ADGB: variants seen among roughly 807,000 people sequenced by gnomAD.
The protein encoded by ADGB is androglobin.
A neutral mutation model predicts 210.5 loss-of-function variants in ADGB; 172 were observed. That is an observed-to-expected ratio of 0.82 (90% CI 0.72 to 0.93). ADGB has a LOEUF of 0.93. Ranked by LOEUF, ADGB falls within the 40% of genes least tolerant of loss-of-function variation. The probability of loss-of-function intolerance (pLI) is 0.00; values close to 1 mark genes in which losing one functional copy is unlikely to be tolerated. For missense variants in ADGB, 2,025 were observed against 1,964.8 expected (o/e 1.03, Z -0.58); for synonymous variants, 658 against 662.7 (o/e 0.99, Z 0.11).
chr6:146,711,236 T>A (rs1302453811), intron 13 of ADGB, among the ~76,000 whole-genome samples: 1 of 152,250 alleles, frequency 6.6e-6, no homozygotes, highest in Non-Finnish European at 1.5e-5. Context: ...CTGCACTTTT[T>A]CCTTTGCTCA....
At chr6:146,799,800 T>G (rs1778098837) in intron 33 of ADGB, among the ~76,000 whole-genome samples, 2 of 151,692 alleles carry the variant, frequency 1.3e-5, no homozygotes, top group African/African-American at 2.4e-5. Flanking sequence ...AACTGTTTCT[T>G]TTGTTGTTGT....
intron 11 of ADGB, among the ~76,000 whole-genome samples, chr6:146,692,382 T>C (rs1776342402): frequency 6.6e-6 from 1 of 152,184 alleles, no homozygotes; most frequent in Non-Finnish European, 1.5e-5. Context: ...TGATCATTAC[T>C]TTGCTACAGT....
rs751716240 is a variant in ADGB, at chr6:146,664,164, C to T, written c.613-37C>T. 2.1e-5 allele frequency: 31 copies of T among 1,511,362 alleles called. No homozygotes were observed. In the South Asian group the frequency reaches 3.8e-4, roughly 19 times the overall value. 93.6% of individuals were successfully genotyped at this position (1,511,362 alleles called of 1,614,324 possible). On this transcript the variant is annotated intron_variant, in intron 5 of 35. Transcript: ENST00000397944. ...ATTTACGAGAGAAAAGACTGTAAGC[C>T]ATTGATGGTATTACATTTCTTTCAT...
intron 20 of ADGB, among the ~76,000 whole-genome samples, 179 bp downstream of exon 20, chr6:146,728,920 A>G (rs1388268772): frequency 6.6e-6 from 1 of 152,240 alleles, no homozygotes; most frequent in African/African-American, 2.4e-5. Flanking sequence ...AATGAGAAAG[A>G]GAAAGAAATT....
intron 7 of ADGB, among the ~76,000 whole-genome samples, chr6:146,670,244 C>T (rs1380078886): frequency 6.6e-6 from 1 of 152,022 alleles, no homozygotes; most frequent in African/African-American, 2.4e-5. Context: ...CGCTTAAAAC[C>T]TTTCAGTGTT....
At chr6:146,655,368 T>C (rs773321973) in intron 4 of ADGB, among the ~76,000 whole-genome samples, 2 of 151,926 alleles carry the variant, frequency 1.3e-5, no homozygotes, top group Non-Finnish European at 2.9e-5. Flanking sequence ...ACCAGCAAGG[T>C]TTTCAGCACA....
chr6:146,674,438 T>A (rs144309302), intron 8 of ADGB, among the ~76,000 whole-genome samples: 1 of 152,054 alleles, frequency 6.6e-6, no homozygotes, highest in African/African-American at 2.4e-5. Context: ...AGGAGCAAGT[T>A]CCACACCCCA....
intron 9 of ADGB, among the ~76,000 whole-genome samples, chr6:146,680,526 G>A (rs1305693238): frequency 1.3e-5 from 2 of 152,138 alleles, no homozygotes; most frequent in Admixed American, 6.6e-5. Flanking sequence ...CTGCTTAACA[G>A]TAGAGTAGAA....
Position 146,700,924 on chromosome 6 carries a change from T to G in ADGB, c.1578-17T>G, listed in dbSNP as rs769429802. The stretch of plus-strand genomic sequence containing the variant: ...AGATCAAAATAACAGAAGTTTGGGG[T>G]TTTGTTTTCCTTTTAGGCATTTTGT... On this transcript the variant is annotated splice_polypyrimidine_tract_variant and intron_variant, in intron 12 of 35. Coordinates refer to ENST00000397944, the MANE Select transcript of ADGB (RefSeq NM_024694.4). 1.0e-5 allele frequency: 16 copies of G among 1,539,260 alleles called. No homozygotes were observed. The highest frequency in any genetic ancestry group is 1.3e-5 in the Non-Finnish European group (15 of 1,142,944).
Position 146,736,516 on chromosome 6 carries a change from G to T in ADGB, c.2813G>T (p.Ser938Ile). The T allele has an allele frequency of 6.5e-7, 1 of 1,541,414 alleles. No homozygotes were observed. Among genetic ancestry groups the T allele is most frequent in the Non-Finnish European group, 8.8e-7 (1 of 1,141,372 alleles). Residue 938 changes from serine to isoleucine, a missense_variant, in exon 23 of 36, where the codon AGT becomes ATT. Transcript: ENST00000397944. ...TTTTTAGACACAAAAGAAAATATCA[G>T]TGTTGCAGATACTCTTCAAAAAGTT... ...ARIPDTKENI[S>I]VADTLQKVWA...
chr6:146,727,981 T>C (rs1776922111), intron 19 of ADGB, among the ~76,000 whole-genome samples: 1 of 152,136 alleles, frequency 6.6e-6, no homozygotes, highest in Non-Finnish European at 1.5e-5. Context: ...AAAAGTTGTT[T>C]TGTTTTGTTT....
intron 5 of ADGB, among the ~76,000 whole-genome samples, chr6:146,661,143 C>T (rs921640315): frequency 6.6e-6 from 1 of 151,790 alleles, no homozygotes; most frequent in Admixed American, 6.6e-5. Flanking sequence ...ACTTTACCAC[C>T]ATTTAGTCTT....
At chr6:146,743,421 C>G (rs570739498) in intron 25 of ADGB, among the ~76,000 whole-genome samples, 1 of 152,260 alleles carries the variant, frequency 6.6e-6, no homozygotes, top group East Asian at 1.9e-4. Flanking sequence ...TTTAGAAACT[C>G]CATTGTAGAC....
At chr6:146,704,306 G>A (rs1353723451) in intron 13 of ADGB, among the ~76,000 whole-genome samples, 1 of 151,294 alleles carries the variant, frequency 6.6e-6, no homozygotes, top group African/African-American at 2.4e-5. Flanking sequence ...AAAAAATTTA[G>A]TTTGATGTAA....
chr6:146,643,272 A>T (rs1352861067), intron 2 of ADGB, among the ~76,000 whole-genome samples: 1 of 151,506 alleles, frequency 6.6e-6, no homozygotes, highest in Non-Finnish European at 1.5e-5. Flanking sequence ...ATAATGTTCA[A>T]ACTGTACACA....
chr6:146,717,120 G>A (rs1776747274), intron 15 of ADGB, 51 bp downstream of exon 15: 1 of 1,395,334 alleles, frequency 7.2e-7, no homozygotes, highest in Middle Eastern at 1.8e-4. Context: ...GTTAAACCCT[G>A]AGCTGCATTA....
intron 1 of ADGB, among the ~76,000 whole-genome samples, chr6:146,635,020 A>G (rs1363406711): frequency 6.6e-6 from 1 of 152,046 alleles, no homozygotes; most frequent in Admixed American, 6.6e-5. Flanking sequence ...ATATATGTAG[A>G]CTGATAGATA....
chr6:146,779,372 G>A lies in ADGB; in HGVS notation c.3863-2648G>A, dbSNP rs542634812. Among the ~76,000 whole-genome samples the A allele has an allele frequency of 1.0e-3, 158 of 152,300 alleles. 1 individual carries two copies. The highest frequency in any genetic ancestry group is 1.0e-3 in the Non-Finnish European group (71 of 68,024). On this transcript the variant is annotated intron_variant, in intron 29 of 35. Transcript: ENST00000397944. ...GCATGTACATAATGGGAACTCCAGA[G>A]GGAGAAGAAAAAGAGAAAGTGGCAG...
intron 13 of ADGB, among the ~76,000 whole-genome samples, chr6:146,707,237 C>T (rs1776586365): frequency 6.6e-6 from 1 of 152,080 alleles, no homozygotes; most frequent in Non-Finnish European, 1.5e-5. Flanking sequence ...TTTGTTAAGA[C>T]TTGCTTTGTG....
Sources: gnomAD v4.1 joint callset for allele counts (sites outside exome capture counted in the v4.1 genomes callset) on GRCh38, gnomAD v4.1.1 for gene constraint, MANE v1.5 for transcripts, NCBI Gene and HGNC (gene_info 2026-07-23, HGNC 2026-07-21) for gene names.